IQCK: variants seen among roughly 807,000 people sequenced by gnomAD.
IQCK encodes IQ domain-containing protein K.
In IQCK, 29 loss-of-function variants were observed where a neutral mutation model predicts 28.1. That is an observed-to-expected ratio of 1.03 (90% CI 0.77 to 1.41). The LOEUF is 1.41. Ranked by LOEUF, IQCK falls within the 40% of genes most tolerant of loss-of-function variation. The pLI is 0.00. For synonymous variants in IQCK, 113 were observed against 115.1 expected, an observed-to-expected ratio of 0.98 and a Z score of 0.12; for missense variants, 359 against 314.7, an observed-to-expected ratio of 1.14 and a Z score of -1.07.
At chr16:19,769,767 A>G (rs2151716706) in intron 6 of IQCK, among the ~76,000 whole-genome samples, 1 of 152,314 alleles carries the variant, frequency 6.6e-6, no homozygotes, top group East Asian at 1.9e-4. Flanking sequence ...AGTGCAAAGG[A>G]CATCTGAGAT....
rs991137245 is a variant in IQCK at position 19,821,974 on chromosome 16, G to A, written c.691-5052G>A. Among the ~76,000 whole-genome samples, 17 of 147,796 alleles carry A rather than the reference G, an allele frequency of 1.2e-4. 1 individual carries two copies. Among genetic ancestry groups the A allele is most frequent in the African/African-American group, 2.8e-4 (11 of 39,786 alleles). ...ACGCCTGTAGTCCCAGCTGAGGTGA[G>A]AGGATTGCTTGACTCTGGGAGGTGG... On this transcript the variant is annotated intron_variant, in intron 7 of 7. Transcript: ENST00000564186.
chr16:19,820,862 G>A (rs1319585094), intron 7 of IQCK, among the ~76,000 whole-genome samples: 3 of 152,238 alleles, frequency 2.0e-5, no homozygotes, highest in South Asian at 2.1e-4. Flanking sequence ...AAAGGGCAAA[G>A]GGAAGTGGAG....
chr16:19,853,961 G>A (rs905055443), intron 9 of IQCK, among the ~76,000 whole-genome samples: 4 of 152,218 alleles, frequency 2.6e-5, no homozygotes, highest in African/African-American at 9.7e-5. Flanking sequence ...AGCTTAAACT[G>A]TGAGACTCAC....
intron 7 of IQCK, among the ~76,000 whole-genome samples, chr16:19,815,976 A>C (rs369176315): frequency 6.6e-6 from 1 of 152,228 alleles, no homozygotes; most frequent in African/African-American, 2.4e-5. Flanking sequence ...AGAACCTTCT[A>C]TGAGGCATCT....
intron 6 of IQCK, among the ~76,000 whole-genome samples, chr16:19,782,659 G>A (rs2055504277): frequency 6.6e-6 from 1 of 151,764 alleles, no homozygotes; most frequent in South Asian, 2.1e-4. Context: ...AAAGAAAAGT[G>A]GATAGAATTT....
At chr16:19,764,219 CTG>C in intron 6 of IQCK, 107 bp downstream of exon 6, 1 of 885,512 alleles carries the variant, frequency 1.1e-6, no homozygotes, top group Non-Finnish European at 1.8e-6. Flanking sequence ...ATCCAGGACT[CTG>C]GGCCAGTCAT....
chr16:19,856,629 T>C (rs1440693124), exon 10 of IQCK: 11 of 1,132,282 alleles, frequency 9.7e-6, no homozygotes, highest in African/African-American at 1.5e-5. Context: ...CTCTCTCTCT[T>C]GTGATTTCTT....
At chr16:19,822,067 CAAAAAAAAAAA>C in intron 7 of IQCK, among the ~76,000 whole-genome samples, 2 of 64,650 alleles carry the variant, frequency 3.1e-5, no homozygotes, top group East Asian at 9.7e-4. Context: ...GACCCTGTCT[CAAAAAAAAAAA>C]AAAAACAAAA....
intron 4 of IQCK, chr16:19,761,733 A>G (rs935833852): frequency 2.1e-5 from 5 of 243,092 alleles, no homozygotes; most frequent in Non-Finnish European, 4.1e-5. Context: ...TTACTCTGGG[A>G]TGTCTTTTCC....
chr16:19,784,521 TACTC>T (rs2055536495), intron 6 of IQCK, among the ~76,000 whole-genome samples: 1 of 152,218 alleles, frequency 6.6e-6, no homozygotes, highest in South Asian at 2.1e-4. Context: ...GAGAGGCAAC[TACTC>T]ACTCCACAAG....
At chr16:19,729,982 G>C (rs898898686) in intron 1 of IQCK, among the ~76,000 whole-genome samples, 1 of 150,282 alleles carries the variant, frequency 6.7e-6, no homozygotes, top group Admixed American at 6.7e-5. Context: ...AGATAGTCTC[G>C]CTCTTGTCTT....
chr16:19,783,744 T>C (rs1344056782), intron 6 of IQCK, among the ~76,000 whole-genome samples: 1 of 152,212 alleles, frequency 6.6e-6, no homozygotes, highest in Non-Finnish European at 1.5e-5. Flanking sequence ...GTTTGGGAAC[T>C]AGACAGCGCC....
chr16:19,805,045 G>A (rs1005939688), intron 7 of IQCK, among the ~76,000 whole-genome samples: 7 of 152,110 alleles, frequency 4.6e-5, no homozygotes, highest in Non-Finnish European at 8.8e-5. Context: ...GTTCCAGGAA[G>A]GGGGGTGGGG....
At chr16:19,843,440 C>G (rs763676000) in intron 9 of IQCK, among the ~76,000 whole-genome samples, 6 of 152,186 alleles carry the variant, frequency 3.9e-5, no homozygotes, top group Non-Finnish European at 7.3e-5. Context: ...CTGGTCTGGA[C>G]AGTTCATATA....
intron 4 of IQCK, among the ~76,000 whole-genome samples, chr16:19,748,072 CTTTTTT>C (rs61573221): frequency 1.7e-5 from 2 of 117,214 alleles, no homozygotes; most frequent in African/African-American, 7.0e-5. Flanking sequence ...GGCTCAAATT[CTTTTTT>C]TTTTTTTTTT....
intron 7 of IQCK, among the ~76,000 whole-genome samples, chr16:19,810,585 G>T (rs966654909): frequency 1.3e-5 from 2 of 151,822 alleles, no homozygotes; most frequent in Non-Finnish European, 2.9e-5. Context: ...GGCCAAGGCG[G>T]GCGGATCACC....
chr16:19,839,018 CAAAAAAAAAA>C (rs71146274), intron 9 of IQCK, among the ~76,000 whole-genome samples: 3 of 42,580 alleles, frequency 7.0e-5, no homozygotes, highest in Non-Finnish European at 1.4e-4. Context: ...GACTCCATAG[CAAAAAAAAAA>C]AAAAAAAAAA....
intron 4 of IQCK, among the ~76,000 whole-genome samples, chr16:19,739,486 G>C (rs1460076184): frequency 6.6e-6 from 1 of 152,200 alleles, no homozygotes; most frequent in African/African-American, 2.4e-5. Context: ...CCTGTGGTTT[G>C]AGTACTGGTA....
intron 4 of IQCK, among the ~76,000 whole-genome samples, chr16:19,750,585 C>T (rs919643314): frequency 2.6e-5 from 4 of 151,554 alleles, no homozygotes; most frequent in African/African-American, 9.7e-5. Flanking sequence ...TCTCAGCCTC[C>T]CCAGTAGCTG....
Sources: allele counts gnomAD v4.1 joint callset (sites outside exome capture counted in the v4.1 genomes callset), GRCh38; gene constraint gnomAD v4.1.1; transcripts MANE v1.5; gene names NCBI Gene and HGNC (gene_info 2026-07-23, HGNC 2026-07-21).